Variants in VTA1 observed in about 807,000 individuals in gnomAD.
VTA1 encodes vacuolar protein sorting-associated protein VTA1 homolog.
VTA1 carries 24 observed loss-of-function variants against 36.9 expected under a neutral mutation model. That is an observed-to-expected ratio of 0.65 (90% CI 0.47 to 0.91). VTA1 has a LOEUF of 0.91. VTA1 is among the 40% of genes least tolerant of loss of function. VTA1 has a pLI of 0.00. For missense variants in VTA1, 393 were observed against 377.2 expected (o/e 1.04, Z -0.35); for synonymous variants, 142 against 130.2 (o/e 1.09, Z -0.62).
chr6:142,201,204 TA>T (rs1265588675), intron 6 of VTA1, among the ~76,000 whole-genome samples: 1 of 151,814 alleles, frequency 6.6e-6, no homozygotes, highest in African/African-American at 2.4e-5. Flanking sequence ...TTTGAAACAG[TA>T]AAAAAAGTTC....
intron 4 of VTA1, among the ~76,000 whole-genome samples, chr6:142,187,684 C>A (rs957458387): frequency 6.6e-6 from 1 of 152,042 alleles, no homozygotes; most frequent in African/African-American, 2.4e-5. Context: ...AAATCAGAAT[C>A]AATGTATAGA....
At position 142,220,392 on chromosome 6, in the gene VTA1, G is replaced by A. The variant is rs949817797; in HGVS notation, c.*1749G>A. On this transcript the variant is annotated 3_prime_UTR_variant, in exon 8 of 8. Transcript: ENST00000367630. ...TACCTTCTGGTTCCCAATTGGGAGA[G>A]CACATAGAGGGAAGGAGACAATATA... 16 of 152,124 alleles carry A rather than the reference G, an allele frequency of 1.1e-4. No individual in the cohort carries two copies. Among genetic ancestry groups the A allele is most frequent in the South Asian group, 4.1e-4 (2 of 4,822 alleles). 9.4% of individuals were successfully genotyped at this position (152,124 alleles called of 1,614,324 possible).
intron 7 of VTA1, among the ~76,000 whole-genome samples, chr6:142,215,123 A>G (rs1338780533): frequency 1.3e-5 from 2 of 152,182 alleles, no homozygotes; most frequent in East Asian, 1.9e-4. Context: ...TAGAGTGTCA[A>G]TGACAACTTA....
intron 7 of VTA1, among the ~76,000 whole-genome samples, chr6:142,217,530 T>C (rs1249676407): frequency 3.3e-5 from 5 of 151,656 alleles, no homozygotes; most frequent in Admixed American, 2.6e-4. Flanking sequence ...GTCAAATTTT[T>C]AATTTTATGC....
chr6:142,218,593 G>A lies in VTA1; in HGVS notation c.874G>A (p.Val292Ile), dbSNP rs148656375. 4.6e-3 allele frequency: 7,498 copies of A among 1,612,996 alleles called. 33 individuals carry two copies. The highest frequency in any genetic ancestry group is 4.7e-3 in the Non-Finnish European group (5,597 of 1,179,590). ...ALQYEDVSTA[V>I]QNLQKALKLL... The stretch of plus-strand genomic sequence containing the variant: ...GCAGTATGAAGATGTAAGCACTGCT[G>A]TCCAGAATCTACAAAAGGCTCTCAA... Residue 292 changes from valine (V) to isoleucine (I), a missense_variant, in exon 8 of 8, where the codon GTC (valine) becomes ATC (isoleucine). Coordinates refer to ENST00000367630, the MANE Select transcript of VTA1 (RefSeq NM_016485.5).
At chr6:142,198,373 A>G in intron 5 of VTA1, 66 bp from the exon 6 acceptor site, 2 of 1,474,416 alleles carry the variant, frequency 1.4e-6, no homozygotes, top group Non-Finnish European at 1.8e-6. Context: ...GTATAATGAA[A>G]TAAGAATACC....
rs374629838 is a variant in VTA1, at chr6:142,222,914, A to G, written c.*4271A>G. 24 of 152,342 alleles carry G rather than the reference A, an allele frequency of 1.6e-4. No individual in the cohort carries two copies. Among genetic ancestry groups the G allele is most frequent in the Admixed American group, 1.2e-3 (19 of 15,306 alleles). The allele number at this position is 152,342 out of a possible 1,614,324, so 9.4% of individuals were successfully genotyped here. Reference sequence around the variant, plus strand: ...AGAGGTAGGCTTTATTTCTGTTTTAAGATGAGGAAAGGGAGCCACAGAGTA... The same window carrying G: ...AGAGGTAGGCTTTATTTCTGTTTTAGGATGAGGAAAGGGAGCCACAGAGTA... On this transcript the variant is annotated 3_prime_UTR_variant, in exon 8 of 8. Transcript: ENST00000367630.
intron 4 of VTA1, among the ~76,000 whole-genome samples, chr6:142,171,911 A>G (rs985885589): frequency 1.3e-5 from 2 of 152,228 alleles, no homozygotes; most frequent in African/African-American, 2.4e-5. Flanking sequence ...TTTTTTGTTT[A>G]TATTCAAAAT....
chr6:142,201,649 C>G (rs1775687842), intron 6 of VTA1, among the ~76,000 whole-genome samples: 1 of 151,854 alleles, frequency 6.6e-6, no homozygotes, highest in African/African-American at 2.4e-5. Flanking sequence ...TTGTAAAATG[C>G]AGCTCACTTC....
chr6:142,209,613 C>T (rs1775861082), intron 7 of VTA1, among the ~76,000 whole-genome samples: 1 of 137,540 alleles, frequency 7.3e-6, no homozygotes, highest in South Asian at 2.3e-4. Context: ...AAATGTAATA[C>T]AAAAAATACA....
At chr6:142,161,953 T>G (rs1335011954) in intron 1 of VTA1, among the ~76,000 whole-genome samples, 1 of 152,146 alleles carries the variant, frequency 6.6e-6, no homozygotes, top group Non-Finnish European at 1.5e-5. Flanking sequence ...CCAGGCCAAT[T>G]TTTGTCCTAA....
At chr6:142,160,963 G>T (rs1774793230) in intron 1 of VTA1, among the ~76,000 whole-genome samples, 1 of 151,942 alleles carries the variant, frequency 6.6e-6, no homozygotes, top group African/African-American at 2.4e-5. Context: ...GAAGTCAGGA[G>T]TGGCTTTTTC....
chr6:142,179,381 A>G (rs1205028650), intron 4 of VTA1, among the ~76,000 whole-genome samples: 1 of 152,090 alleles, frequency 6.6e-6, no homozygotes, highest in Non-Finnish European at 1.5e-5. Flanking sequence ...TTTATCCAAG[A>G]AAAATAAAAA....
chr6:142,218,792 A>C lies in VTA1; in HGVS notation c.*149A>C. ...TCTGTGTGTATCAGATTTTTATTGA[A>C]GCATTCATCAGCAGCCTCAACCAGT... On this transcript the variant is annotated 3_prime_UTR_variant, in exon 8 of 8. Transcript: ENST00000367630. 1.2e-6 allele frequency: 1 copy of C among 856,856 alleles called. No individual in the cohort carries two copies. The highest frequency in any genetic ancestry group is 3.1e-5 in the East Asian group (1 of 32,766). 53.1% of individuals were successfully genotyped at this position (856,856 alleles called of 1,614,324 possible).
chr6:142,170,392 A>G lies in VTA1; in HGVS notation c.382A>G (p.Ile128Val), dbSNP rs775354985. The change falls in exon 4 of 8, where the codon ATA becomes GTA. Residue 128 changes from isoleucine to valine, a missense_variant. Transcript: ENST00000367630. ...FYTASLLIDV[I>V]TVFGELTDEN... ...TACTGCAAGTCTTTTGATAGATGTC[A>G]TAACAGTATTTGGAGAACTCACTGA... 4 of 1,607,740 alleles carry G rather than the reference A, an allele frequency of 2.5e-6. No homozygotes were observed. Among genetic ancestry groups the G allele is most frequent in the East Asian group, 2.2e-5 (1 of 44,586 alleles).
rs373015359 is a variant in VTA1 at position 142,158,874 on chromosome 6, A to T, written c.113-7354A>T. On this transcript the variant is annotated intron_variant, in intron 1 of 7. Transcript: ENST00000367630. ...AATATACCACCTAATATTTAAGGAA[A>T]GATCTTTACTGTCTTTTCCCCTCTC... Among the ~76,000 whole-genome samples the T allele has an allele frequency of 1.6e-4, 25 of 152,282 alleles. No homozygotes were observed. The South Asian group carries it at 5.2e-3, about 32-fold the overall frequency.
intron 4 of VTA1, among the ~76,000 whole-genome samples, chr6:142,181,136 C>T (rs779394419): frequency 9.0e-6 from 1 of 111,298 alleles, no homozygotes; most frequent in African/African-American, 3.0e-5. Context: ...CACACAGACA[C>T]ACTTTTTTTT....
chr6:142,179,654 AAAGG>A (rs1283549095), intron 4 of VTA1, among the ~76,000 whole-genome samples: 5 of 152,170 alleles, frequency 3.3e-5, no homozygotes, highest in South Asian at 4.1e-4. Flanking sequence ...CGCGCACACC[AAAGG>A]AAGTTGATCT....
At chr6:142,176,051 A>G (rs1291107718) in intron 4 of VTA1, among the ~76,000 whole-genome samples, 2 of 152,136 alleles carry the variant, frequency 1.3e-5, no homozygotes, top group African/African-American at 4.8e-5. Context: ...ATCAGTGCCC[A>G]GTTTTAGTTA....
Sources: gnomAD v4.1 joint callset for allele counts (sites outside exome capture counted in the v4.1 genomes callset) on GRCh38, gnomAD v4.1.1 for gene constraint, MANE v1.5 for transcripts, NCBI Gene and HGNC (gene_info 2026-07-23, HGNC 2026-07-21) for gene names.